TAF5L: variants seen among roughly 807,000 people sequenced by gnomAD.
TAF5L encodes the protein TATA-box binding protein associated factor 5 like.
TAF5L carries 7 observed loss-of-function variants against 51.3 expected under a neutral mutation model. That is an observed-to-expected ratio of 0.14 (90% confidence interval 0.08 to 0.26). TAF5L has a LOEUF of 0.26. Ranked by LOEUF, TAF5L falls within the 10% of genes least tolerant of loss-of-function variation. The pLI, the probability that TAF5L is intolerant of heterozygous loss-of-function variation, is 1.00. For missense variants in TAF5L, 575 were observed against 758.9 expected, an observed-to-expected ratio of 0.76 and a Z score of 2.85; for synonymous variants, 291 against 308.1, an observed-to-expected ratio of 0.94 and a Z score of 0.58.
chr1:229,603,921 C>T lies in TAF5L; in HGVS notation c.248-1002G>A, dbSNP rs1664484925. The stretch of plus-strand genomic sequence containing the variant: ...AAGGAGCTGAGACCAGCCCGTGTCA[C>T]AGTCACCAGTGCTGTCCAGATGCCT... On this transcript the variant is annotated intron_variant, in intron 3 of 4. Coordinates refer to ENST00000258281, the Ensembl canonical transcript of TAF5L. 2.6e-5 allele frequency among the ~76,000 whole-genome samples: 4 copies of T among 152,244 alleles called. No individual in the cohort carries two copies. The South Asian group carries it at 6.2e-4, about 24-fold the overall frequency.
intron 4 of TAF5L, among the ~76,000 whole-genome samples, chr1:229,596,498 C>A (rs1664132197): frequency 6.6e-6 from 1 of 152,150 alleles, no homozygotes; most frequent in African/African-American, 2.4e-5. Context: ...TCTCAAAAAA[C>A]ATCTCCCCCA....
intron 3 of TAF5L, among the ~76,000 whole-genome samples, chr1:229,608,929 A>G (rs1664695317): frequency 6.6e-6 from 1 of 152,196 alleles, no homozygotes; most frequent in Non-Finnish European, 1.5e-5. Context: ...ACTTGATCTC[A>G]GAAGGTCAAG....
chr1:229,619,096 T>TA (rs1223119442), intron 1 of TAF5L, among the ~76,000 whole-genome samples: 3 of 152,224 alleles, frequency 2.0e-5, no homozygotes, highest in African/African-American at 7.2e-5. Context: ...GTAAAGTGTC[T>TA]ACTAGGTAAC....
intron 4 of TAF5L, among the ~76,000 whole-genome samples, chr1:229,598,834 G>C (rs1374981303): frequency 6.6e-6 from 1 of 151,978 alleles, no homozygotes; most frequent in Non-Finnish European, 1.5e-5. Context: ...GAGTTGCTGG[G>C]ATTACAGGTG....
Position 229,594,200 on chromosome 1 carries a change from G to A in TAF5L, c.*97C>T, listed in dbSNP as rs540892827. 7.5e-6 allele frequency: 10 copies of A among 1,330,518 alleles called. No homozygotes were observed. The East Asian group carries it at 1.7e-4, about 23-fold the overall frequency. 82.4% of individuals were successfully genotyped at this position (1,330,518 alleles called of 1,614,324 possible). On this transcript the variant is annotated 3_prime_UTR_variant, in exon 5 of 5. Coordinates refer to ENST00000258281, the Ensembl canonical transcript of TAF5L. The surrounding 1 kb of genome is among the most constrained non-coding windows in gnomAD (Gnocchi z 7.9). ...GGCCCAGGAGAGAGGGGAGGAGGGG[G>A]CTCTTTCACAGTCAATGATTCAATC...
chr1:229,617,271 A>G (rs1317583160), intron 1 of TAF5L, among the ~76,000 whole-genome samples: 3 of 152,198 alleles, frequency 2.0e-5, no homozygotes, highest in East Asian at 3.9e-4. Flanking sequence ...TGGTTGTGTT[A>G]TATTTAGAGT....
At chr1:229,609,954 T>G in intron 3 of TAF5L, 152 bp downstream of exon 3, 1 of 617,032 alleles carries the variant, frequency 1.6e-6, no homozygotes, top group Middle Eastern at 4.5e-4. Flanking sequence ...GGAATATAGT[T>G]GGTTCTGAGG....
chr1:229,615,183 G>C (rs368212798), intron 1 of TAF5L, among the ~76,000 whole-genome samples: 3 of 152,084 alleles, frequency 2.0e-5, no homozygotes, highest in Non-Finnish European at 4.4e-5. Context: ...TGCCTCCTGG[G>C]TTCACGCCAT....
chr1:229,601,381 C>T, intron 4 of TAF5L: 5 of 985,348 alleles, frequency 5.1e-6, no homozygotes, highest in Non-Finnish European at 6.0e-6. Flanking sequence ...GGTGATAAGA[C>T]AAAAATACTT....
exon 5 of TAF5L, chr1:229,593,669 T>G (rs561206198): frequency 6.6e-6 from 1 of 152,152 alleles, no homozygotes; most frequent in African/African-American, 2.4e-5. Flanking sequence ...TCAAAACCAG[T>G]GCCAGGAGTC....
chr1:229,614,295 T>G, intron 2 of TAF5L, 46 bp downstream of exon 2: 1 of 1,614,146 alleles, frequency 6.2e-7, no homozygotes, highest in Non-Finnish European at 8.5e-7. Context: ...TTGACGTGAG[T>G]TCTCCTGCTC....
At chr1:229,622,059 A>ATCTATCTC (rs1553272225) in intron 1 of TAF5L, among the ~76,000 whole-genome samples, 7 of 151,574 alleles carry the variant, frequency 4.6e-5, no homozygotes, top group African/African-American at 1.7e-4. Flanking sequence ...CTATCTATCT[A>ATCTATCTC]TCTATCTATA....
At chr1:229,623,089 C>T (rs1390655441) in intron 1 of TAF5L, among the ~76,000 whole-genome samples, 1 of 152,170 alleles carries the variant, frequency 6.6e-6, no homozygotes, top group Non-Finnish European at 1.5e-5. Flanking sequence ...CCAGCCTGGT[C>T]AACATGGTGA....
In TAF5L at chr1:229,610,103, T is replaced by C; in HGVS notation, c.247+3A>G. ...AGAAAAGGTTCTAGAGCTGAGTACTTACCAGTGAGAAAATTCCGCAGTCGT... is the reference window on the plus strand; with the variant it reads ...AGAAAAGGTTCTAGAGCTGAGTACTCACCAGTGAGAAAATTCCGCAGTCGT... On this transcript the variant is annotated splice_donor_region_variant and intron_variant, in intron 3 of 4. Coordinates refer to ENST00000258281, the Ensembl canonical transcript of TAF5L. 1.2e-6 allele frequency: 2 copies of C among 1,613,796 alleles called. No individual in the cohort carries two copies. Among genetic ancestry groups the C allele is most frequent in the Non-Finnish European group, 1.7e-6 (2 of 1,179,728 alleles).
intron 4 of TAF5L, chr1:229,599,768 A>C: frequency 1.0e-6 from 1 of 954,188 alleles, no homozygotes; most frequent in Non-Finnish European, 1.2e-6. Flanking sequence ...CTGTGTGCAC[A>C]TGTTTTCCAT....
chr1:229,606,679 T>C (rs1664606720), intron 3 of TAF5L: 2 of 985,406 alleles, frequency 2.0e-6, no homozygotes, highest in Non-Finnish European at 2.4e-6. Flanking sequence ...CATTTCACTT[T>C]AAAGAATTAA....
chr1:229,607,356 T>C (rs963069369), intron 3 of TAF5L: 18 of 985,330 alleles, frequency 1.8e-5, no homozygotes, highest in Non-Finnish European at 2.2e-5. Flanking sequence ...CCATTCCTCT[T>C]ACAAATAATT....
At chr1:229,597,558 C>T (rs1571828668) in intron 4 of TAF5L, among the ~76,000 whole-genome samples, 1 of 152,208 alleles carries the variant, frequency 6.6e-6, no homozygotes, top group Non-Finnish European at 1.5e-5. Context: ...GGCCTCAGCA[C>T]GGTCGAGCAG....
chr1:229,596,852 C>G (rs80200413), intron 4 of TAF5L, among the ~76,000 whole-genome samples: 4 of 152,030 alleles, frequency 2.6e-5, no homozygotes, highest in Admixed American at 2.0e-4. Flanking sequence ...GCCTTAGGTT[C>G]TTGTATAAGA....
Sources: allele counts gnomAD v4.1 joint callset (sites outside exome capture counted in the v4.1 genomes callset), GRCh38; gene constraint gnomAD v4.1.1; non-coding constraint Gnocchi (gnomAD v3.1); transcripts MANE v1.5; gene names NCBI Gene and HGNC (gene_info 2026-07-23, HGNC 2026-07-21).